Variants in SLC25A32 observed in about 807,000 individuals in gnomAD.
SLC25A32 encodes the protein Glycine auxotroph B, complementation of hamster.
SLC25A32 carries 32 observed loss-of-function variants against 39.0 expected under a neutral mutation model. The observed-to-expected ratio is 0.82, with a 90% CI of 0.62 to 1.10. The LOEUF is 1.10. Ranked by LOEUF, SLC25A32 falls within the 50% of genes least tolerant of loss-of-function variation. The probability of loss-of-function intolerance (pLI) is 0.00; values close to 1 mark genes in which losing one functional copy is unlikely to be tolerated. For missense variants in SLC25A32, 367 were observed against 395.3 expected (o/e 0.93, Z 0.61); for synonymous variants, 166 against 152.4 (o/e 1.09, Z -0.66).
At chr8:103,403,747 A>G (rs1284670139) in intron 3 of SLC25A32, among the ~76,000 whole-genome samples, 1 of 152,212 alleles carries the variant, frequency 6.6e-6, no homozygotes, top group Non-Finnish European at 1.5e-5. Context: ...TGGCACCCCA[A>G]TAATCTGTGC....
intron 1 of SLC25A32, 125 bp from the exon 2 acceptor site, chr8:103,407,909 A>T (rs1189984468): frequency 5.4e-6 from 2 of 370,568 alleles, no homozygotes; most frequent in African/African-American, 4.3e-5. Context: ...TTTTTTAGGT[A>T]GAAAAAATTA....
At chr8:103,410,555 C>T (rs1816443814) in intron 1 of SLC25A32, among the ~76,000 whole-genome samples, 1 of 152,174 alleles carries the variant, frequency 6.6e-6, no homozygotes, top group African/African-American at 2.4e-5. Flanking sequence ...CTGAAATCAT[C>T]CATACCTCCT....
chr8:103,400,378 TG>T lies in SLC25A32; in HGVS notation c.*32del, dbSNP rs767565906. 1 of 1,612,554 alleles carries T rather than the reference TG, an allele frequency of 6.2e-7. No individual in the cohort carries two copies. Among genetic ancestry groups the T allele is most frequent in the South Asian group, 1.1e-5 (1 of 90,808 alleles). On this transcript the variant is annotated 3_prime_UTR_variant, in exon 7 of 7. Transcript: ENST00000297578. ...AACACAAAAGAGCTTGTTGCTGCCTTGGGCAGATATACTGGAATTGTCCTCT... is the reference window on the plus strand; with the variant it reads ...AACACAAAAGAGCTTGTTGCTGCCTTGGCAGATATACTGGAATTGTCCTCT...
chr8:103,410,178 A>G (rs1816431813), intron 1 of SLC25A32, among the ~76,000 whole-genome samples: 1 of 152,194 alleles, frequency 6.6e-6, no homozygotes. Flanking sequence ...ATAGGTATAA[A>G]CCAATGCTGA....
intron 4 of SLC25A32, 99 bp from the exon 5 acceptor site, chr8:103,402,153 A>G (rs1480219945): frequency 2.9e-5 from 21 of 725,620 alleles, no homozygotes; most frequent in African/African-American, 5.5e-5. Context: ...CAGCACTTTA[A>G]GCAAATTCAT....
rs770687702 is a variant in SLC25A32 at position 103,414,778 on chromosome 8, T to G, written c.154+6A>C. On this transcript the variant is annotated splice_donor_region_variant and intron_variant, in intron 1 of 6. Transcript: ENST00000297578. ...GATGCAGCCCGGTGTCTGGGCGGGC[T>G]CTTACCGGCGAAGCGGATCTTCACG... 6.2e-7 allele frequency: 1 copy of G among 1,613,570 alleles called. No individual in the cohort carries two copies. Among genetic ancestry groups the G allele is most frequent in the South Asian group, 1.1e-5 (1 of 91,080 alleles).
intron 2 of SLC25A32, among the ~76,000 whole-genome samples, chr8:103,406,260 A>C (rs545979705): frequency 1.3e-5 from 2 of 152,288 alleles, no homozygotes; most frequent in East Asian, 3.9e-4. Flanking sequence ...GCTTTCACTT[A>C]AAAGATACTT....
At chr8:103,407,342 C>T (rs1336682250) in intron 2 of SLC25A32, among the ~76,000 whole-genome samples, 2 of 152,164 alleles carry the variant, frequency 1.3e-5, no homozygotes, top group African/African-American at 4.8e-5. Context: ...TATCATTCCA[C>T]CTCATCTCTT....
At chr8:103,403,363 T>TA in intron 3 of SLC25A32, 39 bp from the exon 4 acceptor site, 9 of 1,408,220 alleles carry the variant, frequency 6.4e-6, no homozygotes, top group Non-Finnish European at 8.6e-6. Flanking sequence ...AGCATACAGA[T>TA]ACTTTCGCAC....
chr8:103,407,543 CA>C (rs1246176843), intron 2 of SLC25A32, 90 bp downstream of exon 2: 1 of 1,065,642 alleles, frequency 9.4e-7, no homozygotes, highest in Non-Finnish European at 1.3e-6. Flanking sequence ...TTAAATGACT[CA>C]ACTTATCATT....
chr8:103,409,814 A>G (rs1423658893), intron 1 of SLC25A32, among the ~76,000 whole-genome samples: 1 of 152,158 alleles, frequency 6.6e-6, no homozygotes, highest in Non-Finnish European at 1.5e-5. Flanking sequence ...TTGTCAGAAG[A>G]CCTGGGTTTG....
intron 2 of SLC25A32, among the ~76,000 whole-genome samples, chr8:103,406,440 T>C (rs1816334945): frequency 6.6e-6 from 1 of 152,210 alleles, no homozygotes; most frequent in Non-Finnish European, 1.5e-5. Flanking sequence ...ATCAGAGGCG[T>C]GCTCAGAGCA....
In SLC25A32 at chr8:103,401,542, T is replaced by C; in HGVS notation, c.786A>G (p.Val262=). ...TCCATGTCTTTGTGATTACATCTATTACACCACTGTAAAACATGTGTTGAT... is the reference window on the plus strand; with the variant it reads ...TCCATGTCTTTGTGATTACATCTATCACACCACTGTAAAACATGTGTTGAT... The part of the protein sequence containing the change: ...LQDQHMFYSG[V]IDVITKTWRK... Residue 262 remains valine, a synonymous_variant, in exon 6 of 7, where the codon GTA becomes GTG. Transcript: ENST00000297578. 3 of 1,613,682 alleles carry C rather than the reference T, an allele frequency of 1.9e-6. No individual in the cohort carries two copies. Among genetic ancestry groups the C allele is most frequent in the Non-Finnish European group, 1.7e-6 (2 of 1,179,812 alleles).
intron 1 of SLC25A32, 32 bp downstream of exon 1, chr8:103,414,752 G>A (rs369006861): frequency 1.2e-6 from 2 of 1,612,482 alleles, no homozygotes; most frequent in Non-Finnish European, 1.7e-6. Context: ...GACAGTGAGA[G>A]GATGCAGCCC....
At chr8:103,406,920 G>A (rs527560414) in intron 2 of SLC25A32, among the ~76,000 whole-genome samples, 3 of 152,124 alleles carry the variant, frequency 2.0e-5, no homozygotes, top group Admixed American at 6.5e-5. Context: ...TCTGATAAAC[G>A]GAAAAAATAA....
intron 1 of SLC25A32, among the ~76,000 whole-genome samples, chr8:103,414,503 T>G (rs1002832073): frequency 7.2e-5 from 11 of 152,198 alleles, no homozygotes; most frequent in Non-Finnish European, 1.5e-4. Context: ...CCTTCTTTAT[T>G]TTACAAATCA....
chr8:103,404,906 T>A, intron 2 of SLC25A32, 45 bp from the exon 3 acceptor site: 2 of 1,364,024 alleles, frequency 1.5e-6, no homozygotes, highest in African/African-American at 1.4e-5. Context: ...TAGGTGTCAT[T>A]AAGTCTGTTT....
rs763459527 is a variant in SLC25A32 at position 103,414,912 on chromosome 8, G to A, written c.26C>T (p.Ser9Phe). MTGQGQSA[S>F]GSSAWSTVFR... ...TACCGTGCTCCACGCCGACGACCCG[G>A]ACGCCGACTGGCCCTGGCCCGTCAT... is the stretch of plus-strand genomic sequence containing the variant. Residue 9 changes from serine to phenylalanine, a missense_variant, in exon 1 of 7, where the codon TCC becomes TTC. By Grantham distance (155) the Ser-to-Phe change is radical. Transcript: ENST00000297578. The A allele has an allele frequency of 6.2e-7, 1 of 1,609,682 alleles. No individual in the cohort carries two copies. Among genetic ancestry groups the A allele is most frequent in the Non-Finnish European group, 8.5e-7 (1 of 1,178,466 alleles).
In SLC25A32 at chr8:103,403,199, T is replaced by C; in HGVS notation, c.517A>G (p.Ile173Val). Residue 173 changes from isoleucine to valine, a missense_variant, in exon 4 of 7, where the codon ATA becomes GTA. Transcript: ENST00000297578. Reference sequence around the variant, plus strand: ...CCACGCACACCTTCATACTTATATATTTTCACAAGTGTATCAAACATTCCT... The same window carrying C: ...CCACGCACACCTTCATACTTATATACTTTCACAAGTGTATCAAACATTCCT... ...YKGMFDTLVK[I>V]YKYEGVRGLY... The C allele has an allele frequency of 1.2e-6, 2 of 1,611,124 alleles. No individual in the cohort carries two copies. Among genetic ancestry groups the C allele is most frequent in the Non-Finnish European group, 1.7e-6 (2 of 1,177,742 alleles).
Sources: gnomAD v4.1 joint callset for allele counts (sites outside exome capture counted in the v4.1 genomes callset) on GRCh38, gnomAD v4.1.1 for gene constraint, MANE v1.5 for transcripts, NCBI Gene and HGNC (gene_info 2026-07-23, HGNC 2026-07-21) for gene names.